PHF2: variants seen among roughly 807,000 people sequenced by gnomAD.
PHF2 encodes lysine-specific demethylase PHF2.
A neutral mutation model predicts 120.5 loss-of-function variants in PHF2; 27 were observed. That is an observed-to-expected ratio of 0.22 (90% CI 0.17 to 0.31). The LOEUF (loss-of-function observed/expected upper bound fraction) is 0.31. Among genes scored for constraint, PHF2 ranks in the 10% least tolerant of loss-of-function variants. PHF2 has a pLI of 1.00. For missense variants in PHF2, 1,024 were observed against 1,434.8 expected, an observed-to-expected ratio of 0.71 and a Z score of 4.63; for synonymous variants, 568 against 592.5, an observed-to-expected ratio of 0.96 and a Z score of 0.60.
Position 93,665,704 on chromosome 9 carries a change from C to T in PHF2, c.1956C>T (p.Pro652=), listed in dbSNP as rs374740124. The T allele has an allele frequency of 6.9e-5, 112 of 1,613,714 alleles. No individual in the cohort carries two copies. The highest frequency in any genetic ancestry group is 9.2e-5 in the Non-Finnish European group (109 of 1,180,006). The change falls in exon 15 of 22, where the codon CCC becomes CCT. Residue 652 remains proline, a synonymous_variant. Coordinates refer to ENST00000359246, the MANE Select transcript of PHF2 (RefSeq NM_005392.4). ...GCCCTAGCTCCAAGGCTCTCAGGCC[C>T]CCGACGAGCCCTGGTGTGTTCGGGG... is the stretch of plus-strand genomic sequence containing the variant. ...KKLLGSKALR[P]PTSPGVFGAL...
chr9:93,650,440 TCACA>T (rs1564394830), intron 5 of PHF2, among the ~76,000 whole-genome samples: 4 of 152,128 alleles, frequency 2.6e-5, no homozygotes, highest in Admixed American at 2.0e-4. Flanking sequence ...ACGCCTACAC[TCACA>T]CACATGAGAT....
intron 1 of PHF2, among the ~76,000 whole-genome samples, chr9:93,596,486 C>T (rs1457127446): frequency 2.0e-5 from 3 of 152,202 alleles, no homozygotes; most frequent in African/African-American, 2.4e-5. Context: ...TGGTGTGCTT[C>T]TTGGTGGGCC....
rs1825698176 is a variant in PHF2 at position 93,614,907 on chromosome 9, G to T, written c.99-15063G>T. On this transcript the variant is annotated intron_variant, in intron 1 of 21. Coordinates refer to ENST00000359246, the MANE Select transcript of PHF2 (RefSeq NM_005392.4). The stretch of plus-strand genomic sequence containing the variant: ...TGATGGTGATGGTAATGATGGTGAT[G>T]ATGGTGATAGTAATGGTGATGGTGA... Among the ~76,000 whole-genome samples, 5 of 152,078 alleles carry T rather than the reference G, an allele frequency of 3.3e-5. No individual in the cohort carries two copies. The South Asian group carries it at 1.0e-3, about 32-fold the overall frequency.
chr9:93,654,713 A>G (rs1019152655), intron 7 of PHF2, 138 bp downstream of exon 7: 5 of 854,802 alleles, frequency 5.8e-6, no homozygotes, highest in East Asian at 4.9e-5. Flanking sequence ...TGTCCTGAGC[A>G]TATGAAGTGG....
chr9:93,671,126 G>T lies in PHF2; in HGVS notation c.2349-2459G>T, dbSNP rs889801581. 9 of 973,800 alleles carry T rather than the reference G, an allele frequency of 9.2e-6. No individual in the cohort carries two copies. In the Admixed American group the frequency reaches 5.7e-4, roughly 62 times the overall value. 60.3% of individuals were successfully genotyped at this position (973,800 alleles called of 1,614,324 possible). A position where few individuals can be genotyped will look rare whatever the true frequency, so the allele number is the denominator to read the frequency against. ...CGCAGGTGGGGGTGCATGTGTGGGG[G>T]TAGGTGTAGGTGCAGATGCAGGTGT... On this transcript the variant is annotated intron_variant, in intron 17 of 21. Transcript: ENST00000359246.
chr9:93,654,911 G>A (rs1413477209), intron 7 of PHF2, among the ~76,000 whole-genome samples: 7 of 152,154 alleles, frequency 4.6e-5, no homozygotes, highest in Admixed American at 1.3e-4. Context: ...CACTATGACC[G>A]AGCCCATGGC....
At chr9:93,673,993 TCTGA>T in intron 18 of PHF2, 131 bp downstream of exon 18, 1 of 1,012,168 alleles carries the variant, frequency 9.9e-7, no homozygotes, top group Non-Finnish European at 1.4e-6. Flanking sequence ...ACCCTCGGCC[TCTGA>T]CTGCTGTCCC....
chr9:93,615,814 G>T (rs1206921347), intron 1 of PHF2, among the ~76,000 whole-genome samples: 2 of 152,200 alleles, frequency 1.3e-5, no homozygotes, highest in East Asian at 3.8e-4. Flanking sequence ...GGAGACAGGG[G>T]TCCTCAGCCT....
chr9:93,675,392 G>A (rs776794474), intron 19 of PHF2, among the ~76,000 whole-genome samples: 3 of 152,230 alleles, frequency 2.0e-5, no homozygotes, highest in Non-Finnish European at 2.9e-5. Flanking sequence ...CAGCCAGTGG[G>A]GTGAGGCCTT....
intron 1 of PHF2, among the ~76,000 whole-genome samples, chr9:93,610,687 G>C (rs1264607707): frequency 6.6e-6 from 1 of 152,022 alleles, no homozygotes; most frequent in Admixed American, 6.6e-5. Context: ...AAAAAAAATT[G>C]GAAAACAAAA....
At chr9:93,655,098 C>T (rs1826435687) in intron 7 of PHF2, among the ~76,000 whole-genome samples, 1 of 152,170 alleles carries the variant, frequency 6.6e-6, no homozygotes, top group African/African-American at 2.4e-5. Context: ...AGAACAAATC[C>T]CAGACATTCC....
chr9:93,625,650 G>A (rs1825903883), intron 1 of PHF2, among the ~76,000 whole-genome samples: 1 of 151,646 alleles, frequency 6.6e-6, no homozygotes, highest in African/African-American at 2.4e-5. Context: ...GCTAATTTTT[G>A]TATTTTTGGT....
Position 93,660,174 on chromosome 9 carries a change from C to T in PHF2, c.1330-18C>T. 6.5e-7 allele frequency: 1 copy of T among 1,527,738 alleles called. No homozygotes were observed. Among genetic ancestry groups the T allele is most frequent in the Non-Finnish European group, 8.8e-7 (1 of 1,140,398 alleles). The allele number at this position is 1,527,738 out of a possible 1,614,324, so 94.6% of individuals were successfully genotyped here. A position where few individuals can be genotyped will look rare whatever the true frequency, so the allele number is the denominator to read the frequency against. Reference sequence around the variant, plus strand: ...TTTGGCAGAAGCAGCATGTGACCCTCTCCTTTCTGTATCCCAGAATGCCTC... The same window carrying T: ...TTTGGCAGAAGCAGCATGTGACCCTTTCCTTTCTGTATCCCAGAATGCCTC... On this transcript the variant is annotated intron_variant, in intron 11 of 21. Coordinates refer to ENST00000359246, the MANE Select transcript of PHF2 (RefSeq NM_005392.4).
At chr9:93,598,944 C>A (rs1010349095) in intron 1 of PHF2, among the ~76,000 whole-genome samples, 2 of 152,202 alleles carry the variant, frequency 1.3e-5, no homozygotes, top group African/African-American at 2.4e-5. Flanking sequence ...CACCTTTTGA[C>A]GTGGCTGGTA....
chr9:93,585,400 A>G (rs957248792), intron 1 of PHF2, among the ~76,000 whole-genome samples: 2 of 152,220 alleles, frequency 1.3e-5, no homozygotes. Flanking sequence ...GAGCAAGGCC[A>G]GGGTTCTGGA....
At chr9:93,650,462 G>C (rs1372276742) in intron 5 of PHF2, among the ~76,000 whole-genome samples, 1 of 152,194 alleles carries the variant, frequency 6.6e-6, no homozygotes, top group Middle Eastern at 3.2e-3. Context: ...GATCCTGCAG[G>C]GGCGGCTGCT....
chr9:93,649,740 T>C (rs111278642), intron 5 of PHF2, among the ~76,000 whole-genome samples: 2 of 150,578 alleles, frequency 1.3e-5, no homozygotes, highest in African/African-American at 5.0e-5. Context: ...TTCATGACAC[T>C]CTGACCCTCA....
intron 1 of PHF2, among the ~76,000 whole-genome samples, chr9:93,586,254 C>A (rs977164655): frequency 1.3e-5 from 2 of 152,220 alleles, no homozygotes; most frequent in Admixed American, 1.3e-4. Flanking sequence ...CTGGAGTCAG[C>A]CAAACATGAG....
chr9:93,596,900 A>G (rs904822317), intron 1 of PHF2, among the ~76,000 whole-genome samples: 1 of 150,106 alleles, frequency 6.7e-6, no homozygotes, highest in African/African-American at 2.5e-5. Flanking sequence ...CTGGGACTAC[A>G]GGCACGCGCC....
Sources: allele counts gnomAD v4.1 joint callset (sites outside exome capture counted in the v4.1 genomes callset), GRCh38; gene constraint gnomAD v4.1.1; transcripts MANE v1.5; gene names NCBI Gene and HGNC (gene_info 2026-07-23, HGNC 2026-07-21).